CNTNAP5: variants seen among roughly 807,000 people sequenced by gnomAD.
CNTNAP5 encodes the protein contactin associated protein family member 5, also known as contactin-associated protein-like 5.
In CNTNAP5, 72 loss-of-function variants were observed where a neutral mutation model predicts 150.2. The observed-to-expected ratio is 0.48, with a 90% confidence interval of 0.40 to 0.58. The LOEUF (loss-of-function observed/expected upper bound fraction) is 0.58. Among genes scored for constraint, CNTNAP5 ranks in the 20% least tolerant of loss-of-function variants. The pLI is 0.00. For synonymous variants in CNTNAP5, 672 were observed against 619.8 expected (o/e 1.08, Z -1.25); for missense variants, 1,636 against 1,626.2 (o/e 1.01, Z -0.10).
chr2:124,360,782 G>A (rs199839672), intron 3 of CNTNAP5, among the ~76,000 whole-genome samples: 7,058 of 60,076 alleles, frequency 0.12, 423 homozygotes, highest in African/African-American at 0.13. Context: ...TGACAATTAT[G>A]TGTCTTGGAG....
intron 9 of CNTNAP5, among the ~76,000 whole-genome samples, chr2:124,525,618 G>T (rs958646065): frequency 6.6e-6 from 1 of 152,180 alleles, no homozygotes; most frequent in African/African-American, 2.4e-5. Context: ...ACATATCGAG[G>T]TCTCCTAGGA....
intron 6 of CNTNAP5, among the ~76,000 whole-genome samples, chr2:124,454,308 G>A (rs1268753977): frequency 6.6e-6 from 1 of 152,262 alleles, no homozygotes; most frequent in Non-Finnish European, 1.5e-5. Flanking sequence ...GATAAAGAGA[G>A]TCATTATACA....
intron 3 of CNTNAP5, among the ~76,000 whole-genome samples, chr2:124,410,766 A>G (rs1421290373): frequency 6.6e-6 from 1 of 151,282 alleles, no homozygotes; most frequent in Non-Finnish European, 1.5e-5. Context: ...AAATGCCCAC[A>G]AGAGAAAGCA....
At chr2:124,665,959 C>G (rs1367748038) in intron 13 of CNTNAP5, among the ~76,000 whole-genome samples, 3 of 151,896 alleles carry the variant, frequency 2.0e-5, no homozygotes, top group African/African-American at 4.8e-5. Flanking sequence ...TCTGTGGCCT[C>G]TGAAATAGTG....
At chr2:124,761,427 A>AT (rs1680953960) in intron 14 of CNTNAP5, among the ~76,000 whole-genome samples, 1 of 152,198 alleles carries the variant, frequency 6.6e-6, no homozygotes, top group South Asian at 2.1e-4. Context: ...TCCCATTATA[A>AT]TTTTTTAAAG....
chr2:124,030,116 G>T (rs778184859), intron 1 of CNTNAP5, among the ~76,000 whole-genome samples: 6 of 152,076 alleles, frequency 3.9e-5, no homozygotes, highest in Middle Eastern at 3.4e-3. Flanking sequence ...CGAAGAAAAT[G>T]GATTAGATCA....
intron 15 of CNTNAP5, 54 bp downstream of exon 15, chr2:124,763,853 TTC>T: frequency 6.2e-7 from 1 of 1,609,962 alleles, no homozygotes; most frequent in South Asian, 1.1e-5. Flanking sequence ...GCACAAGATG[TTC>T]TTACTCCCTT....
chr2:124,303,209 G>A (rs1249913644), intron 3 of CNTNAP5, among the ~76,000 whole-genome samples: 1 of 152,070 alleles, frequency 6.6e-6, no homozygotes, highest in African/African-American at 2.4e-5. Flanking sequence ...CCAGCATATG[G>A]GGAGGAGGGA....
At chr2:124,460,772 G>A (rs1371248141) in intron 6 of CNTNAP5, among the ~76,000 whole-genome samples, 1 of 152,136 alleles carries the variant, frequency 6.6e-6, no homozygotes, top group Non-Finnish European at 1.5e-5. Flanking sequence ...TTGCCTAATG[G>A]ACATCTCTCT....
At chr2:124,267,357 T>G (rs2104608522) in intron 3 of CNTNAP5, among the ~76,000 whole-genome samples, 1 of 152,304 alleles carries the variant, frequency 6.6e-6, no homozygotes, top group South Asian at 2.1e-4. Flanking sequence ...TCATGGTGAT[T>G]AATTTCCATT....
At chr2:124,115,648 CTTTTTTTT>C (rs10666342) in intron 1 of CNTNAP5, among the ~76,000 whole-genome samples, 1 of 123,714 alleles carries the variant, frequency 8.1e-6, no homozygotes, top group South Asian at 2.7e-4. Context: ...GTATAATAGT[CTTTTTTTT>C]TTTTTTTTTT....
At chr2:124,056,101 A>G (rs1320652909) in intron 1 of CNTNAP5, among the ~76,000 whole-genome samples, 2 of 152,148 alleles carry the variant, frequency 1.3e-5, no homozygotes, top group Non-Finnish European at 2.9e-5. Flanking sequence ...TTTTGCTTTC[A>G]GAGACAAGGT....
At chr2:124,695,354 T>G (rs1306840056) in intron 13 of CNTNAP5, among the ~76,000 whole-genome samples, 2 of 152,160 alleles carry the variant, frequency 1.3e-5, no homozygotes, top group African/African-American at 4.8e-5. Context: ...TTGTCTTTGT[T>G]TTTAATATGA....
intron 8 of CNTNAP5, among the ~76,000 whole-genome samples, chr2:124,506,139 C>T (rs1010755742): frequency 1.3e-5 from 2 of 149,106 alleles, no homozygotes; most frequent in African/African-American, 2.5e-5. Flanking sequence ...TTCAGGTTGC[C>T]CTGAATGTAT....
intron 3 of CNTNAP5, among the ~76,000 whole-genome samples, chr2:124,339,621 T>G (rs1474359290): frequency 6.6e-6 from 1 of 152,190 alleles, no homozygotes; most frequent in Non-Finnish European, 1.5e-5. Context: ...AATTGCCTGA[T>G]GGGTTTTTCG....
chr2:124,730,150 T>G (rs1025299808), intron 13 of CNTNAP5, among the ~76,000 whole-genome samples: 2 of 152,028 alleles, frequency 1.3e-5, no homozygotes, highest in Non-Finnish European at 2.9e-5. Context: ...TCTGAAAAAA[T>G]GCATAGCTGT....
At chr2:124,468,925 T>G (rs1693442389) in intron 6 of CNTNAP5, among the ~76,000 whole-genome samples, 1 of 152,242 alleles carries the variant, frequency 6.6e-6, no homozygotes, top group Non-Finnish European at 1.5e-5. Context: ...CCTCCCCAGC[T>G]GATTTGCTCT....
intron 10 of CNTNAP5, among the ~76,000 whole-genome samples, chr2:124,561,308 C>T (rs11691010): frequency 8.5e-5 from 13 of 152,198 alleles, no homozygotes; most frequent in South Asian, 2.1e-4. Context: ...TGCTAGCCCC[C>T]CAGGATCTCC....
chr2:124,820,834 A>G (rs1682470740), intron 19 of CNTNAP5, among the ~76,000 whole-genome samples: 1 of 152,220 alleles, frequency 6.6e-6, no homozygotes, highest in South Asian at 2.1e-4. Flanking sequence ...TTCACATTAT[A>G]TCTCACTGGC....
Sources: gnomAD v4.1 joint callset for allele counts (sites outside exome capture counted in the v4.1 genomes callset) on GRCh38, gnomAD v4.1.1 for gene constraint, MANE v1.5 for transcripts, NCBI Gene and HGNC (gene_info 2026-07-23, HGNC 2026-07-21) for gene names.